Variants in TBC1D12 observed in about 807,000 individuals in gnomAD.
TBC1D12 encodes TBC1 domain family, member 12.
TBC1D12 carries 56 observed loss-of-function variants against 86.7 expected under a neutral mutation model. The ratio of observed to expected loss-of-function variants is 0.65; its 90% CI spans 0.52 to 0.81. The LOEUF (loss-of-function observed/expected upper bound fraction) is 0.81. Ranked by LOEUF, TBC1D12 falls within the 30% of genes least tolerant of loss-of-function variation. TBC1D12 has a pLI of 0.00. For missense variants in TBC1D12, 1,023 were observed against 1,038.8 expected (o/e 0.98, Z 0.21); for synonymous variants, 421 against 411.7 (o/e 1.02, Z -0.27).
intron 3 of TBC1D12, among the ~76,000 whole-genome samples, chr10:94,482,641 G>A (rs2056094218): frequency 6.6e-6 from 1 of 151,902 alleles, no homozygotes; most frequent in Non-Finnish European, 1.5e-5. Context: ...GTAGAGATGG[G>A]ATTTTTCCAT....
intron 5 of TBC1D12, among the ~76,000 whole-genome samples, chr10:94,497,479 A>ACTTCC (rs1020876693): frequency 1.2e-4 from 18 of 148,684 alleles, no homozygotes; most frequent in Admixed American, 9.4e-4. Context: ...TCTACCACCT[A>ACTTCC]CTTCCCTTAC....
At chr10:94,523,428 G>C (rs1842207716) in intron 11 of TBC1D12, among the ~76,000 whole-genome samples, 2 of 152,036 alleles carry the variant, frequency 1.3e-5, no homozygotes, top group Non-Finnish European at 2.9e-5. Flanking sequence ...AGTTATAATA[G>C]TGTTTCTTTA....
chr10:94,453,041 C>T (rs1030118655), intron 2 of TBC1D12, among the ~76,000 whole-genome samples: 2 of 152,202 alleles, frequency 1.3e-5, no homozygotes, highest in African/African-American at 4.8e-5. Context: ...TGATGTTGAA[C>T]ATCTCTTCAC....
intron 2 of TBC1D12, among the ~76,000 whole-genome samples, chr10:94,445,530 C>T (rs768265916): frequency 6.6e-6 from 1 of 152,084 alleles, no homozygotes; most frequent in Admixed American, 6.5e-5. Context: ...TTTTAGTTTT[C>T]GAACTTTCCA....
chr10:94,421,460 A>AT (rs2055072762), intron 1 of TBC1D12, among the ~76,000 whole-genome samples: 1 of 152,210 alleles, frequency 6.6e-6, no homozygotes, highest in African/African-American at 2.4e-5. Context: ...TATCTTGACC[A>AT]TTGTGAATAA....
At chr10:94,448,216 C>A (rs1273501980) in intron 2 of TBC1D12, among the ~76,000 whole-genome samples, 4 of 152,106 alleles carry the variant, frequency 2.6e-5, no homozygotes, top group Admixed American at 6.6e-5. Context: ...GCAGGAACAA[C>A]ATTATGGAAA....
In TBC1D12 at chr10:94,522,359, G is replaced by A. The variant is rs1842174275; in HGVS notation, c.1906G>A (p.Ala636Thr). The A allele has an allele frequency of 2.1e-6, 3 of 1,417,926 alleles. No homozygotes were observed. The East Asian group carries it at 7.5e-5, about 36-fold the overall frequency. The allele number at this position is 1,417,926 out of a possible 1,614,324, so 87.8% of individuals were successfully genotyped here. A position where few individuals can be genotyped will look rare whatever the true frequency, so the allele number is the denominator to read the frequency against. ...TAATCTTTAGATGTTGAAATATTTT[G>A]CAACATTTGAAGTATTCTTTGAAGA... The part of the protein sequence containing the change: ...VDHSMMLKYF[A>T]TFEVFFEENL... The change falls in exon 11 of 13, where the codon GCA becomes ACA. Residue 636 changes from alanine to threonine, a missense_variant. Physicochemically the swap from Ala to Thr is moderately conservative, Grantham distance 58. This residue lies in a region of TBC1D12 where 395 missense variants were observed against 507.7 expected (regional missense o/e 0.78). Coordinates refer to ENST00000225235, the MANE Select transcript of TBC1D12 (RefSeq NM_015188.2).
intron 3 of TBC1D12, among the ~76,000 whole-genome samples, chr10:94,491,480 A>G (rs1000657778): frequency 6.6e-5 from 10 of 152,234 alleles, no homozygotes; most frequent in Admixed American, 3.9e-4. Context: ...CTGTGAAGCC[A>G]TTGATTTGAT....
intron 2 of TBC1D12, among the ~76,000 whole-genome samples, chr10:94,466,101 G>A (rs886954222): frequency 3.3e-5 from 5 of 151,692 alleles, no homozygotes; most frequent in Admixed American, 6.6e-5. Flanking sequence ...TTTAAAGTGG[G>A]TTTCTTATAA....
chr10:94,512,071 A>G (rs2134208393), intron 9 of TBC1D12, among the ~76,000 whole-genome samples: 1 of 152,112 alleles, frequency 6.6e-6, no homozygotes, highest in African/African-American at 2.4e-5. Flanking sequence ...ACCCAATCCT[A>G]TTTTTAGCTC....
chr10:94,504,413 A>G (rs2056436321), intron 6 of TBC1D12, among the ~76,000 whole-genome samples: 1 of 152,206 alleles, frequency 6.6e-6, no homozygotes, highest in African/African-American at 2.4e-5. Flanking sequence ...GATTTTCTTC[A>G]CTAAACATTT....
intron 2 of TBC1D12, among the ~76,000 whole-genome samples, chr10:94,468,591 CT>C (rs1231789810): frequency 4.6e-5 from 7 of 151,924 alleles, no homozygotes; most frequent in African/African-American, 1.7e-4. Context: ...AATATAAGTG[CT>C]TTTTTTCTGG....
At chr10:94,426,082 A>T (rs12249736) in intron 1 of TBC1D12, among the ~76,000 whole-genome samples, 1,704 of 152,292 alleles carry the variant, frequency 0.011, 31 homozygotes, top group African/African-American at 0.039. Context: ...GACTGTAGAC[A>T]GTCATGCTGT....
chr10:94,445,077 T>G (rs1216745023), intron 2 of TBC1D12, among the ~76,000 whole-genome samples: 1 of 142,646 alleles, frequency 7.0e-6, no homozygotes, highest in Non-Finnish European at 1.5e-5. Flanking sequence ...ACTTGATGAG[T>G]GGGCCGGGAG....
intron 6 of TBC1D12, among the ~76,000 whole-genome samples, chr10:94,502,919 T>A (rs910713282): frequency 6.6e-6 from 1 of 152,266 alleles, no homozygotes; most frequent in Admixed American, 6.5e-5. Context: ...GATCCTACTG[T>A]AAACACTGTT....
At chr10:94,435,896 C>G (rs761756186) in intron 1 of TBC1D12, among the ~76,000 whole-genome samples, 1 of 152,110 alleles carries the variant, frequency 6.6e-6, no homozygotes, top group African/African-American at 2.4e-5. Flanking sequence ...CATTGCTAGC[C>G]GGAGGTCCCG....
At chr10:94,478,883 G>A (rs2056034651) in intron 3 of TBC1D12, among the ~76,000 whole-genome samples, 1 of 152,274 alleles carries the variant, frequency 6.6e-6, no homozygotes, top group African/African-American at 2.4e-5. Context: ...CTTGAACACG[G>A]AAGGTGGAGG....
At chr10:94,502,503 G>A (rs2056411212) in intron 6 of TBC1D12, among the ~76,000 whole-genome samples, 1 of 151,956 alleles carries the variant, frequency 6.6e-6, no homozygotes, top group Admixed American at 6.6e-5. Context: ...CCAGGAGTTT[G>A]GGACCAGCCT....
At chr10:94,526,303 G>A (rs1196359135) in intron 11 of TBC1D12, among the ~76,000 whole-genome samples, 1 of 151,866 alleles carries the variant, frequency 6.6e-6, no homozygotes, top group Non-Finnish European at 1.5e-5. Flanking sequence ...GTACATGGTG[G>A]CATCACCTGT....
Sources: gnomAD v4.1 joint callset for allele counts (sites outside exome capture counted in the v4.1 genomes callset) on GRCh38, gnomAD v4.1.1 for gene constraint, gnomAD v4.1.1 regional missense constraint, MANE v1.5 for transcripts, NCBI Gene and HGNC (gene_info 2026-07-23, HGNC 2026-07-21) for gene names.